Variants in DBT observed in about 807,000 individuals in gnomAD.
DBT encodes the protein lipoamide acyltransferase component of branched-chain alpha-keto acid dehydrogenase complex, mitochondrial.
A neutral mutation model predicts 51.3 loss-of-function variants in DBT; 40 were observed. That is an observed-to-expected ratio of 0.78 (90% CI 0.61 to 1.02). DBT has a LOEUF of 1.02. Ranked by LOEUF, DBT falls within the 50% of genes least tolerant of loss-of-function variation. The pLI is 0.00. For synonymous variants in DBT, 181 were observed against 190.4 expected (o/e 0.95, Z 0.41); for missense variants, 510 against 580.2 (o/e 0.88, Z 1.24).
chr1:100,246,835 A>T (rs1185252244), intron 1 of DBT, among the ~76,000 whole-genome samples: 1 of 152,220 alleles, frequency 6.6e-6, no homozygotes, highest in Non-Finnish European at 1.5e-5. Context: ...TGAAGGAAAT[A>T]GAGTGTGTTA....
In DBT at chr1:100,218,767, T is replaced by C; in HGVS notation, c.434-20A>G. 1.9e-6 allele frequency: 3 copies of C among 1,612,754 alleles called. No homozygotes were observed. Among genetic ancestry groups the C allele is most frequent in the South Asian group, 1.1e-5 (1 of 90,754 alleles). ...CTGAATCTGGTAACAAGGTAAAACT[T>C]AACTTCAGTTGAAAAAAAATTTTTT... On this transcript the variant is annotated intron_variant, in intron 4 of 10. Transcript: ENST00000370132.
rs1480944864 is a variant in DBT, at chr1:100,187,287, C to T, written c.*8968G>A. On this transcript the variant is annotated 3_prime_UTR_variant, in exon 11 of 11. Coordinates refer to ENST00000370132, the MANE Select transcript of DBT (RefSeq NM_001918.5). Reference sequence around the variant, plus strand: ...CAAAACAAAACAAAAAACAATACCCCTTCGGTGTCAAATGATACAGAAATG... The same window carrying T: ...CAAAACAAAACAAAAAACAATACCCTTTCGGTGTCAAATGATACAGAAATG... The T allele has an allele frequency of 6.6e-6, 1 of 152,128 alleles. No individual in the cohort carries two copies. The highest frequency in any genetic ancestry group is 1.5e-5 in the Non-Finnish European group (1 of 68,032). 9.4% of individuals were successfully genotyped at this position (152,128 alleles called of 1,614,324 possible).
At chr1:100,197,211 A>G (rs564231906) in intron 10 of DBT, among the ~76,000 whole-genome samples, 1 of 152,274 alleles carries the variant, frequency 6.6e-6, no homozygotes, top group Admixed American at 6.5e-5. Flanking sequence ...TTCTATACTG[A>G]TCTCCTCATG....
chr1:100,229,558 C>T (rs1476748149), intron 4 of DBT, among the ~76,000 whole-genome samples: 1 of 152,082 alleles, frequency 6.6e-6, no homozygotes, highest in Admixed American at 6.5e-5. Flanking sequence ...TAAATTATAC[C>T]ATGTGATTCT....
intron 5 of DBT, among the ~76,000 whole-genome samples, chr1:100,217,940 TTAGAC>T (rs58763464): frequency 0.79 from 120,119 of 151,602 alleles, 49,074 homozygotes; most frequent in East Asian, 0.95. Flanking sequence ...CTGTGTGACT[TTAGAC>T]TAGTTACTTA....
intron 7 of DBT, among the ~76,000 whole-genome samples, chr1:100,212,271 G>T (rs1055098523): frequency 5.3e-5 from 8 of 151,986 alleles, no homozygotes; most frequent in Non-Finnish European, 1.0e-4. Flanking sequence ...GTATTTTTTC[G>T]AATGTTCTGA....
At chr1:100,220,383 A>G (rs1642008511) in intron 4 of DBT, among the ~76,000 whole-genome samples, 1 of 152,238 alleles carries the variant, frequency 6.6e-6, no homozygotes, top group South Asian at 2.1e-4. Flanking sequence ...GACTGACAGA[A>G]CTTCTGAAAA....
chr1:100,218,559 T>C (rs1488802869), intron 5 of DBT, 67 bp downstream of exon 5: 15 of 1,580,004 alleles, frequency 9.5e-6, no homozygotes, highest in Non-Finnish European at 1.3e-5. Flanking sequence ...GATAGTTGGC[T>C]AATTTTTCAG....
At chr1:100,242,651 T>C (rs1001367925) in intron 1 of DBT, among the ~76,000 whole-genome samples, 2 of 152,200 alleles carry the variant, frequency 1.3e-5, no homozygotes, top group Non-Finnish European at 2.9e-5. Context: ...TTCCCAAACA[T>C]TTCCATTTTG....
intron 4 of DBT, among the ~76,000 whole-genome samples, chr1:100,225,120 T>C (rs1032966698): frequency 2.0e-5 from 3 of 148,696 alleles, no homozygotes. Flanking sequence ...CTTTGAAATA[T>C]GTATATACTC....
chr1:100,209,122 G>A (rs1467817250), intron 8 of DBT, among the ~76,000 whole-genome samples: 1 of 149,590 alleles, frequency 6.7e-6, no homozygotes, highest in Non-Finnish European at 1.5e-5. Flanking sequence ...GACAAAGGCA[G>A]GGTTTCACTT....
intron 10 of DBT, among the ~76,000 whole-genome samples, chr1:100,200,004 GT>G (rs371888386): frequency 4.0e-5 from 6 of 148,916 alleles, no homozygotes; most frequent in African/African-American, 1.2e-4. Flanking sequence ...CTGCAGTTTT[GT>G]TTTTTTTTTC....
intron 1 of DBT, among the ~76,000 whole-genome samples, chr1:100,242,015 A>G (rs1236241131): frequency 1.3e-5 from 2 of 151,936 alleles, no homozygotes; most frequent in Non-Finnish European, 2.9e-5. Flanking sequence ...GCAAGACTCC[A>G]TCTCAAAAAA....
chr1:100,221,852 C>G (rs564680270), intron 4 of DBT, among the ~76,000 whole-genome samples: 1 of 152,216 alleles, frequency 6.6e-6, no homozygotes, highest in East Asian at 1.9e-4. Flanking sequence ...ATTGATAAAA[C>G]TGTGAAACTG....
chr1:100,216,151 T>C lies in DBT; in HGVS notation c.604A>G (p.Lys202Glu). The change falls in exon 6 of 11, where the codon AAA becomes GAA. Residue 202 changes from lysine (K) to glutamate (E), a missense_variant. Coordinates refer to ENST00000370132, the MANE Select transcript of DBT (RefSeq NM_001918.5). ...VGSGKDGRIL[K>E]EDILNYLEKQ... is the part of the protein sequence containing the mutation. ...TCCAAATAGTTGAGGATATCTTCTTTAAGTATTCTGCCATCTTTTCCTGAG... is the reference window on the plus strand; with the variant it reads ...TCCAAATAGTTGAGGATATCTTCTTCAAGTATTCTGCCATCTTTTCCTGAG... 1.9e-6 allele frequency: 3 copies of C among 1,614,050 alleles called. No homozygotes were observed. The highest frequency in any genetic ancestry group is 2.5e-6 in the Non-Finnish European group (3 of 1,179,934).
At position 100,246,762 on chromosome 1, in the gene DBT, T is replaced by C. The variant is rs1008381986; in HGVS notation, c.51+3008A>G. Reference sequence around the variant, plus strand: ...AAAACAGATGCAATTTCTTCCCTTATAGAATGCACAGTACAGTGAAAGGTA... The same window carrying C: ...AAAACAGATGCAATTTCTTCCCTTACAGAATGCACAGTACAGTGAAAGGTA... On this transcript the variant is annotated intron_variant, in intron 1 of 10. Coordinates refer to ENST00000370132, the MANE Select transcript of DBT (RefSeq NM_001918.5). Among the ~76,000 whole-genome samples the C allele has an allele frequency of 2.6e-5, 4 of 152,198 alleles. No individual in the cohort carries two copies. In the South Asian group the frequency reaches 6.2e-4, roughly 24 times the overall value.
At chr1:100,199,193 G>C (rs571376458) in intron 10 of DBT, among the ~76,000 whole-genome samples, 8 of 152,200 alleles carry the variant, frequency 5.3e-5, no homozygotes, top group African/African-American at 1.9e-4. Flanking sequence ...CTAAGTCAGT[G>C]TCTTCTAAAC....
In DBT at chr1:100,241,236, T is replaced by C. The variant is rs542324138; in HGVS notation, c.52-352A>G. On this transcript the variant is annotated intron_variant, in intron 1 of 10. Coordinates refer to ENST00000370132, the MANE Select transcript of DBT (RefSeq NM_001918.5). The stretch of plus-strand genomic sequence containing the variant: ...CCCAAAGTTTACTTATAGTAACTTA[T>C]AGATGACTCTTTAGAATTAACTATT... Among the ~76,000 whole-genome samples the C allele has an allele frequency of 2.8e-3, 426 of 152,366 alleles. 2 individuals carry two copies. The highest frequency in any genetic ancestry group is 9.0e-3 in the African/African-American group (376 of 41,590).
At chr1:100,196,677 T>C in intron 10 of DBT, 1 of 505,390 alleles carries the variant, frequency 2.0e-6, no homozygotes, top group South Asian at 2.8e-5. Flanking sequence ...CATACCTACA[T>C]TCATTAACTT....
Sources: gnomAD v4.1 joint callset for allele counts (sites outside exome capture counted in the v4.1 genomes callset) on GRCh38, gnomAD v4.1.1 for gene constraint, MANE v1.5 for transcripts, NCBI Gene and HGNC (gene_info 2026-07-23, HGNC 2026-07-21) for gene names.